Variants in MAGI2 observed in about 807,000 individuals in gnomAD.
MAGI2 encodes membrane-associated guanylate kinase, WW and PDZ domain-containing protein 2.
MAGI2 carries 35 observed loss-of-function variants against 133.3 expected under a neutral mutation model. That is an observed-to-expected ratio of 0.26 (90% CI 0.20 to 0.35). MAGI2 has a LOEUF of 0.35. Ranked by LOEUF, MAGI2 falls within the 10% of genes least tolerant of loss-of-function variation. The probability of loss-of-function intolerance (pLI) is 1.00; values close to 1 mark genes in which losing one functional copy is unlikely to be tolerated. For synonymous variants in MAGI2, 729 were observed against 710.6 expected, an observed-to-expected ratio of 1.03 and a Z score of -0.41; for missense variants, 1,636 against 1,863.4, an observed-to-expected ratio of 0.88 and a Z score of 2.25.
At chr7:78,406,162 A>C (rs183912546) in intron 6 of MAGI2, among the ~76,000 whole-genome samples, 2 of 152,160 alleles carry the variant, frequency 1.3e-5, no homozygotes, top group East Asian at 3.9e-4. Context: ...ATTAATGAAC[A>C]AGAAAAAAAT....
At chr7:79,073,372 T>C (rs768229181) in intron 1 of MAGI2, among the ~76,000 whole-genome samples, 1 of 152,210 alleles carries the variant, frequency 6.6e-6, no homozygotes, top group Non-Finnish European at 1.5e-5. Flanking sequence ...ATAGTGACCA[T>C]ACGTTCTGTT....
intron 9 of MAGI2, among the ~76,000 whole-genome samples, chr7:78,298,061 C>T (rs939931758): frequency 2.6e-5 from 4 of 151,936 alleles, no homozygotes; most frequent in South Asian, 2.1e-4. Context: ...CATATACTTT[C>T]GATATGATGT....
At chr7:78,410,297 T>C (rs73701466) in intron 6 of MAGI2, among the ~76,000 whole-genome samples, 2,405 of 152,204 alleles carry the variant, frequency 0.016, 63 homozygotes, top group African/African-American at 0.055. Context: ...GTTATAACTA[T>C]AGTAAAGTTA....
At chr7:78,243,253 ACACACACACACACACACTCT>A (rs775683308) in intron 10 of MAGI2, among the ~76,000 whole-genome samples, 4 of 40,970 alleles carry the variant, frequency 9.8e-5, no homozygotes, top group East Asian at 7.5e-4. Flanking sequence ...ACACACACAC[ACACACACACACACACACTCT>A]CTCTCTCTCT....
intron 6 of MAGI2, among the ~76,000 whole-genome samples, chr7:78,402,063 C>T (rs983568522): frequency 7.9e-5 from 12 of 152,280 alleles, no homozygotes; most frequent in Admixed American, 3.3e-4. Flanking sequence ...TCTGCTCCCA[C>T]GGCATGTTCT....
chr7:79,095,891 C>T (rs907720142), intron 1 of MAGI2, among the ~76,000 whole-genome samples: 6 of 152,088 alleles, frequency 3.9e-5, no homozygotes, highest in African/African-American at 1.4e-4. Context: ...TAATTTTGCT[C>T]AAGGCAGGGT....
chr7:78,151,479 G>C (rs1477534284), intron 16 of MAGI2, among the ~76,000 whole-genome samples: 2 of 152,140 alleles, frequency 1.3e-5, no homozygotes, highest in African/African-American at 4.8e-5. Flanking sequence ...GCACATTAAG[G>C]CCACTGCCTG....
At chr7:78,795,368 T>C (rs1032459736) in intron 2 of MAGI2, among the ~76,000 whole-genome samples, 2 of 151,906 alleles carry the variant, frequency 1.3e-5, no homozygotes, top group African/African-American at 4.8e-5. Flanking sequence ...AGTTACAGGA[T>C]ATAAAATCAA....
At chr7:79,417,298 T>C (rs1237726496) in intron 1 of MAGI2, among the ~76,000 whole-genome samples, 1 of 152,112 alleles carries the variant, frequency 6.6e-6, no homozygotes, top group Non-Finnish European at 1.5e-5. Flanking sequence ...ATTCTCTATA[T>C]TGAGAAAACC....
At chr7:78,158,973 C>T (rs761888905) in intron 16 of MAGI2, among the ~76,000 whole-genome samples, 1 of 152,022 alleles carries the variant, frequency 6.6e-6, no homozygotes, top group South Asian at 2.1e-4. Flanking sequence ...GGTCTGCCAT[C>T]CCACCCAGGA....
chr7:79,292,394 G>C (rs1388540327), intron 1 of MAGI2, among the ~76,000 whole-genome samples: 2 of 151,988 alleles, frequency 1.3e-5, no homozygotes, highest in Admixed American at 1.3e-4. Context: ...GGCCAAGGCA[G>C]GCAGATCACT....
At chr7:79,037,231 C>A (rs953376110) in intron 1 of MAGI2, among the ~76,000 whole-genome samples, 1 of 152,108 alleles carries the variant, frequency 6.6e-6, no homozygotes, top group African/African-American at 2.4e-5. Context: ...AAAAAATGTT[C>A]CATGGTCAAA....
intron 2 of MAGI2, among the ~76,000 whole-genome samples, chr7:78,835,648 G>A (rs1042033390): frequency 1.3e-5 from 2 of 152,092 alleles, no homozygotes; most frequent in African/African-American, 2.4e-5. Context: ...TCACTCCCAG[G>A]AAGGAGAAAA....
chr7:78,607,681 G>T (rs963547183), intron 3 of MAGI2, among the ~76,000 whole-genome samples: 4 of 152,116 alleles, frequency 2.6e-5, no homozygotes, highest in African/African-American at 9.7e-5. Flanking sequence ...TTGATTGTGT[G>T]ATGTACAAAA....
intron 1 of MAGI2, among the ~76,000 whole-genome samples, chr7:79,178,210 C>T (rs1826284036): frequency 6.6e-6 from 1 of 151,758 alleles, no homozygotes; most frequent in Admixed American, 6.6e-5. Flanking sequence ...CTTGGTTCAT[C>T]TTTATGGGAT....
intron 1 of MAGI2, among the ~76,000 whole-genome samples, chr7:79,387,889 C>T (rs780234564): frequency 4.0e-5 from 6 of 151,692 alleles, no homozygotes; most frequent in Middle Eastern, 3.3e-3. Flanking sequence ...TATTTAAATT[C>T]GTATTGATTT....
At chr7:78,335,140 T>C (rs1292849548) in intron 9 of MAGI2, among the ~76,000 whole-genome samples, 3 of 152,210 alleles carry the variant, frequency 2.0e-5, no homozygotes, top group African/African-American at 7.2e-5. Flanking sequence ...AAGTATTTAC[T>C]AATATTTGAC....
chr7:79,032,037 A>G (rs1440725781), intron 1 of MAGI2, among the ~76,000 whole-genome samples: 7 of 152,200 alleles, frequency 4.6e-5, no homozygotes, highest in Non-Finnish European at 7.3e-5. Context: ...AACTTAATAT[A>G]TAATTTTAGC....
chr7:78,821,047 G>A (rs1049522576), intron 2 of MAGI2, among the ~76,000 whole-genome samples: 1 of 152,036 alleles, frequency 6.6e-6, no homozygotes, highest in African/African-American at 2.4e-5. Flanking sequence ...TGGAGAAGTA[G>A]TGCTGAATGC....
Sources: gnomAD v4.1 joint callset for allele counts (sites outside exome capture counted in the v4.1 genomes callset) on GRCh38, gnomAD v4.1.1 for gene constraint, MANE v1.5 for transcripts, NCBI Gene and HGNC (gene_info 2026-07-23, HGNC 2026-07-21) for gene names.